RNF215: variants seen among roughly 807,000 people sequenced by gnomAD.
RNF215 encodes the protein ring finger protein 215.
Under a neutral mutation model 44.8 loss-of-function variants are expected in RNF215, and 41 were observed. That is an observed-to-expected ratio of 0.92 (90% confidence interval 0.71 to 1.19). The LOEUF (loss-of-function observed/expected upper bound fraction) is 1.19, where lower values mean the gene tolerates loss of function less well. Among genes scored for constraint, RNF215 ranks in the 50% most tolerant of loss-of-function variants. The probability of loss-of-function intolerance (pLI) is 0.00; values close to 1 mark genes in which losing one functional copy is unlikely to be tolerated. For missense variants in RNF215, 452 were observed against 496.2 expected, an observed-to-expected ratio of 0.91 and a Z score of 0.85; for synonymous variants, 218 against 230.1, an observed-to-expected ratio of 0.95 and a Z score of 0.48.
rs1033404375 is a variant in RNF215, at chr22:30,379,733, T to A, written c.1089A>T (p.Pro363=). ...DPWLMLQQTC[P]LCKFNVLGNR... ...CACCCAGGACGTTGAATTTGCACAG[T>A]GGGCAGGTCTGCTGGAGCATCAGCC... Residue 363 remains proline, a synonymous_variant, in exon 8 of 9, where the codon CCA becomes CCT. Coordinates refer to ENST00000382363, the MANE Select transcript of RNF215 (RefSeq NM_001017981.2). 1 of 1,562,204 alleles carries A rather than the reference T, an allele frequency of 6.4e-7. No individual in the cohort carries two copies. The highest frequency in any genetic ancestry group is 1.9e-5 in the Admixed American group (1 of 51,498).
At chr22:30,379,850 AG>A in intron 7 of RNF215, 37 bp from the exon 8 acceptor site, 4 of 1,566,950 alleles carry the variant, frequency 2.6e-6, no homozygotes, top group Non-Finnish European at 3.5e-6. Flanking sequence ...AGGTCACCGA[AG>A]CAGGACTCCA....
intron 5 of RNF215, among the ~76,000 whole-genome samples, chr22:30,383,549 C>T (rs1031193591): frequency 6.6e-5 from 10 of 152,194 alleles, no homozygotes; most frequent in Admixed American, 3.3e-4. Context: ...GCACAGCCCA[C>T]GGTGGCCAAC....
At position 30,380,534 on chromosome 22, in the gene RNF215, G is replaced by T; in HGVS notation, c.745-133C>A. 1.8e-6 allele frequency: 2 copies of T among 1,125,276 alleles called. No individual in the cohort carries two copies. The highest frequency in any genetic ancestry group is 1.6e-5 in the African/African-American group (1 of 63,368). The allele number at this position is 1,125,276 out of a possible 1,614,324, so 69.7% of individuals were successfully genotyped here. ...GGCCTCTGTGTCCCTGCAGTCCCCA[G>T]CTTCCTCTTCTGAAGGCTCCGTCTC... On this transcript the variant is annotated intron_variant, in intron 5 of 8. Coordinates refer to ENST00000382363, the MANE Select transcript of RNF215 (RefSeq NM_001017981.2). The surrounding 1 kb of genome is among the most constrained non-coding windows in gnomAD (Gnocchi z 5.3).
Position 30,379,972 on chromosome 22 carries a change from G to A in RNF215, c.1008+90C>T, listed in dbSNP as rs1054553555. On this transcript the variant is annotated intron_variant, in intron 7 of 8. Coordinates refer to ENST00000382363, the MANE Select transcript of RNF215 (RefSeq NM_001017981.2). Reference sequence around the variant, plus strand: ...TGTGGCCCTGGGGGCTGAAGGAGAAGGGCCTGGTGGTGGTGGTTCCAAGGT... The same window carrying A: ...TGTGGCCCTGGGGGCTGAAGGAGAAAGGCCTGGTGGTGGTGGTTCCAAGGT... 1.0e-5 allele frequency: 16 copies of A among 1,578,432 alleles called. No individual in the cohort carries two copies. In the Admixed American group the frequency reaches 1.5e-4, roughly 15 times the overall value.
At chr22:30,384,244 G>T in intron 5 of RNF215, 95 bp downstream of exon 5, 1 of 1,335,094 alleles carries the variant, frequency 7.5e-7, no homozygotes, top group Non-Finnish European at 1.0e-6. Flanking sequence ...TTGTCACTAA[G>T]GTGGGGAGAA....
chr22:30,379,977 T>C, intron 7 of RNF215, 85 bp downstream of exon 7: 2 of 1,579,440 alleles, frequency 1.3e-6, no homozygotes, highest in Non-Finnish European at 1.7e-6. Flanking sequence ...GAGAAGGGCC[T>C]GGTGGTGGTG....
chr22:30,383,231 C>T (rs752471049), intron 5 of RNF215, among the ~76,000 whole-genome samples: 1 of 152,120 alleles, frequency 6.6e-6, no homozygotes, highest in South Asian at 2.1e-4. Flanking sequence ...GTGGCCATGG[C>T]CACCCAATAC....
chr22:30,383,111 T>C (rs1933550346), intron 5 of RNF215, among the ~76,000 whole-genome samples: 1 of 152,034 alleles, frequency 6.6e-6, no homozygotes, highest in Admixed American at 6.5e-5. Context: ...TGCTCTGGAC[T>C]CCCAGAGGCT....
intron 5 of RNF215, among the ~76,000 whole-genome samples, chr22:30,382,408 A>C (rs572855417): frequency 1.7e-4 from 26 of 151,722 alleles, no homozygotes; most frequent in Non-Finnish European, 2.7e-4. Flanking sequence ...CTGTCTCAAA[A>C]AAAAAAAAAA....
chr22:30,379,614 A>G lies in RNF215; in HGVS notation c.1120T>C (p.Tyr374His). The G allele has an allele frequency of 1.3e-6, 2 of 1,551,186 alleles. No individual in the cohort carries two copies. Among genetic ancestry groups the G allele is most frequent in the Non-Finnish European group, 1.7e-6 (2 of 1,147,032 alleles). Residue 374 changes from tyrosine to histidine, a missense_variant, in exon 9 of 9, where the codon TAC (tyrosine) becomes CAC (histidine). Tyr to His is a moderately conservative substitution (Grantham distance 83). Coordinates refer to ENST00000382363, the MANE Select transcript of RNF215 (RefSeq NM_001017981.2). ...CAGCTGGGCAGCTAATCATCGGAGT[A>G]GCGGTTCCCTGCAGGGGAGGGGAAG... ...LCKFNVLGNR[Y>H]SDD is the part of the protein sequence containing the mutation.
Position 30,380,136 on chromosome 22 carries a change from T to G in RNF215, c.934A>C (p.Arg312=). 1 of 1,613,818 alleles carries G rather than the reference T, an allele frequency of 6.2e-7. No individual in the cohort carries two copies. Among genetic ancestry groups the G allele is most frequent in the Non-Finnish European group, 8.5e-7 (1 of 1,179,948 alleles). Reference sequence around the variant, plus strand: ...GGATCTGGGAGGCCCTGCGCTGCCCTGCTCAGCCGGCAGCGCCGTGTCTTG... The same window carrying G: ...GGATCTGGGAGGCCCTGCGCTGCCCGGCTCAGCCGGCAGCGCCGTGTCTTG... ...SLKTRRCRLS[R]AAQGLPDPGA... The change falls in exon 7 of 9, where the codon AGG becomes CGG. Residue 312 remains arginine (R), a synonymous_variant. Transcript: ENST00000382363. This position sits in a 1 kb window ranked among gnomAD's most constrained non-coding sequence, Gnocchi z 5.3.
chr22:30,385,879 C>T, intron 4 of RNF215, 25 bp downstream of exon 4: 2 of 1,609,788 alleles, frequency 1.2e-6, no homozygotes, highest in Non-Finnish European at 1.7e-6. Context: ...AGGGTCAGTC[C>T]TTTGAAGTCT....
At chr22:30,386,843 A>G in intron 1 of RNF215, 84 bp from the exon 2 acceptor site, 2 of 1,521,278 alleles carry the variant, frequency 1.3e-6, no homozygotes, top group South Asian at 1.2e-5. Context: ...TGCCAAGGCC[A>G]GAGTTCCCAG....
chr22:30,382,412 A>C (rs1230187393), intron 5 of RNF215, among the ~76,000 whole-genome samples: 3 of 152,016 alleles, frequency 2.0e-5, no homozygotes, highest in Admixed American at 2.0e-4. Context: ...CTCAAAAAAA[A>C]AAAAAAAAAG....
chr22:30,381,330 G>A (rs952735937), intron 5 of RNF215, among the ~76,000 whole-genome samples: 7 of 152,198 alleles, frequency 4.6e-5, no homozygotes, highest in Non-Finnish European at 7.4e-5. Context: ...TGGAATGAGT[G>A]AATTTGGAAA....
Position 30,380,279 on chromosome 22 carries a change from C to T in RNF215, c.864+3G>A, listed in dbSNP as rs770830025. ...GCTGGGGCTCCCTGGGGCTGGCTCCCACCTGGCCTCCGAGCTCCCGCTGGC... is the reference window on the plus strand; with the variant it reads ...GCTGGGGCTCCCTGGGGCTGGCTCCTACCTGGCCTCCGAGCTCCCGCTGGC... On this transcript the variant is annotated splice_donor_region_variant and intron_variant, in intron 6 of 8. Coordinates refer to ENST00000382363, the MANE Select transcript of RNF215 (RefSeq NM_001017981.2). This position sits in a 1 kb window ranked among gnomAD's most constrained non-coding sequence, Gnocchi z 5.3. The T allele has an allele frequency of 6.2e-7, 1 of 1,610,788 alleles. No homozygotes were observed. The highest frequency in any genetic ancestry group is 1.3e-5 in the African/African-American group (1 of 74,958).
intron 5 of RNF215, 123 bp downstream of exon 5, chr22:30,384,216 G>C (rs539792484): frequency 1.7e-4 from 177 of 1,061,080 alleles, no homozygotes; most frequent in Admixed American, 2.2e-4. Flanking sequence ...CACTCCTGTG[G>C]GGTGGGAAAG....
chr22:30,381,349 G>A lies in RNF215; in HGVS notation c.745-948C>T, dbSNP rs117835064. Among the ~76,000 whole-genome samples the A allele has an allele frequency of 9.8e-3, 1,497 of 152,292 alleles. 14 individuals carry two copies. The highest frequency in any genetic ancestry group is 0.017 in the Non-Finnish European group (1,148 of 68,016). ...ATGAGTGAATTTGGAAAGGAAACAT[G>A]ACTGAGAGAACACTTTAAAGCCTGG... On this transcript the variant is annotated intron_variant, in intron 5 of 8. Transcript: ENST00000382363.
chr22:30,386,018 C>G (rs147683780), intron 3 of RNF215, 29 bp from the exon 4 acceptor site: 1,000 of 1,613,902 alleles, frequency 6.2e-4, no homozygotes, highest in Middle Eastern at 4.5e-3. Flanking sequence ...GTCAGCAGGC[C>G]TGGGTCCCCC....
Sources: allele counts gnomAD v4.1 joint callset (sites outside exome capture counted in the v4.1 genomes callset), GRCh38; gene constraint gnomAD v4.1.1; non-coding constraint Gnocchi (gnomAD v3.1); transcripts MANE v1.5; gene names NCBI Gene and HGNC (gene_info 2026-07-23, HGNC 2026-07-21).